TAF3: variants seen among roughly 807,000 people sequenced by gnomAD.
TAF3 encodes the protein TATA-box binding protein associated factor 3.
A neutral mutation model predicts 80.6 loss-of-function variants in TAF3; 7 were observed. That is an observed-to-expected ratio of 0.09 (90% CI 0.05 to 0.16). TAF3 has a LOEUF of 0.16. Ranked by LOEUF, TAF3 falls within the 10% of genes least tolerant of loss-of-function variation. TAF3 has a pLI of 1.00. For synonymous variants in TAF3, 444 were observed against 446.1 expected, an observed-to-expected ratio of 1.00 and a Z score of 0.06; for missense variants, 921 against 1,140.2, an observed-to-expected ratio of 0.81 and a Z score of 2.77.
At chr10:7,849,803 C>A (rs1837009591) in intron 2 of TAF3, among the ~76,000 whole-genome samples, 1 of 152,008 alleles carries the variant, frequency 6.6e-6, no homozygotes, top group Non-Finnish European at 1.5e-5. Flanking sequence ...CCTCAGCCTC[C>A]CAAGTAGCTG....
chr10:7,910,282 T>G (rs1837645226), intron 2 of TAF3, among the ~76,000 whole-genome samples: 1 of 152,230 alleles, frequency 6.6e-6, no homozygotes, highest in Non-Finnish European at 1.5e-5. Context: ...AATAAAGATG[T>G]ATAGTGTGAC....
intron 4 of TAF3, among the ~76,000 whole-genome samples, chr10:8,007,710 T>C (rs1031726962): frequency 3.3e-5 from 5 of 151,422 alleles, no homozygotes; most frequent in African/African-American, 4.9e-5. Flanking sequence ...TTTCTCTTGC[T>C]GATCTTCAGT....
chr10:7,874,603 A>AT (rs1230658513), intron 2 of TAF3, among the ~76,000 whole-genome samples: 2 of 151,592 alleles, frequency 1.3e-5, no homozygotes, highest in African/African-American at 2.4e-5. Flanking sequence ...CATTTTCATG[A>AT]TTTTTTTTCT....
At chr10:7,914,571 A>G (rs1234012651) in intron 2 of TAF3, among the ~76,000 whole-genome samples, 1 of 152,250 alleles carries the variant, frequency 6.6e-6, no homozygotes, top group Non-Finnish European at 1.5e-5. Context: ...ATGCATCTCA[A>G]AAGAGTGTAT....
At chr10:7,846,192 C>G (rs1169503892) in intron 2 of TAF3, among the ~76,000 whole-genome samples, 1 of 152,054 alleles carries the variant, frequency 6.6e-6, no homozygotes, top group African/African-American at 2.4e-5. Context: ...CTCCTGACCT[C>G]GTGATCTGCC....
chr10:7,848,142 C>G (rs1836990831), intron 2 of TAF3, among the ~76,000 whole-genome samples: 1 of 152,178 alleles, frequency 6.6e-6, no homozygotes, highest in Admixed American at 6.5e-5. Context: ...AATGGCTTAA[C>G]AATATAAAGG....
intron 3 of TAF3, among the ~76,000 whole-genome samples, chr10:7,968,915 C>T (rs1831597316): frequency 6.6e-6 from 1 of 152,168 alleles, no homozygotes; most frequent in African/African-American, 2.4e-5. Context: ...GTGAGTTGTG[C>T]AAGCTTTTAG....
intron 2 of TAF3, among the ~76,000 whole-genome samples, chr10:7,884,471 C>G (rs572845580): frequency 6.7e-6 from 1 of 149,594 alleles, no homozygotes; most frequent in Non-Finnish European, 1.5e-5. Context: ...ACTGCAACCT[C>G]TGCCTCCTGG....
Position 7,937,604 on chromosome 10 carries a change from G to A in TAF3, c.410-26316G>A, listed in dbSNP as rs557876315. Among the ~76,000 whole-genome samples, 549 of 152,182 alleles carry A rather than the reference G, an allele frequency of 3.6e-3. 3 individuals carry two copies. Among genetic ancestry groups the A allele is most frequent in the South Asian group, 0.013 (63 of 4,806 alleles). On this transcript the variant is annotated intron_variant, in intron 2 of 6. Coordinates refer to ENST00000344293, the MANE Select transcript of TAF3 (RefSeq NM_031923.4). ...TAGGTGACAGTCCTTTATCAGATAC[G>A]CCTTGTAAATATATTTTTCTCATAG...
At chr10:7,952,525 C>G (rs1838091710) in intron 2 of TAF3, among the ~76,000 whole-genome samples, 1 of 152,216 alleles carries the variant, frequency 6.6e-6, no homozygotes, top group Non-Finnish European at 1.5e-5. Flanking sequence ...ATATTGTTAT[C>G]TTAGTCTTGC....
At chr10:7,877,240 A>G (rs1210762529) in intron 2 of TAF3, among the ~76,000 whole-genome samples, 1 of 152,194 alleles carries the variant, frequency 6.6e-6, no homozygotes. Flanking sequence ...TGATTTCATA[A>G]TTTCTAAAAA....
chr10:7,885,994 C>T (rs76522141), intron 2 of TAF3, among the ~76,000 whole-genome samples: 29,856 of 151,956 alleles, frequency 0.2, 3,039 homozygotes, highest in East Asian at 0.29. Context: ...AGTGGCGCGA[C>T]GATGGCTCAC....
At chr10:7,932,185 C>T (rs754238098) in intron 2 of TAF3, among the ~76,000 whole-genome samples, 2 of 152,172 alleles carry the variant, frequency 1.3e-5, no homozygotes, top group Non-Finnish European at 1.5e-5. Flanking sequence ...CATGCTACCT[C>T]TATCAGTCAG....
chr10:7,869,247 G>A (rs1306982541), intron 2 of TAF3, among the ~76,000 whole-genome samples: 3 of 101,666 alleles, frequency 3.0e-5, no homozygotes, highest in Non-Finnish European at 4.6e-5. Flanking sequence ...GACTTCTACC[G>A]TGTGTGTGTG....
chr10:7,845,957 TTG>T lies in TAF3; in HGVS notation c.409+21399_409+21400del, dbSNP rs1331150990. 1.9e-4 allele frequency among the ~76,000 whole-genome samples: 26 copies of T among 133,424 alleles called. 1 individual carries two copies. Among genetic ancestry groups the T allele is most frequent in the African/African-American group, 4.9e-4 (18 of 36,502 alleles). 87.5% of individuals were successfully genotyped at this position (133,424 alleles called of 152,430 possible). On this transcript the variant is annotated intron_variant, in intron 2 of 6. Transcript: ENST00000344293. ...AAAGGATGAAGTGGTTTGTGTGTTT[TTG>T]TTTTTTTTTTTTTTTTTTGAGGCAA... is the stretch of plus-strand genomic sequence containing the variant.
At position 7,819,689 on chromosome 10, in the gene TAF3, A is replaced by ACATATCTTG. The variant is rs1466093259; in HGVS notation, c.166+814_166+815insCATATCTTG. 5.3e-3 allele frequency among the ~76,000 whole-genome samples: 813 copies of ACATATCTTG among 152,314 alleles called. 13 individuals are homozygous for ACATATCTTG. The highest frequency in any genetic ancestry group is 0.019 in the African/African-American group (786 of 41,556). On this transcript the variant is annotated intron_variant, in intron 1 of 6. Coordinates refer to ENST00000344293, the MANE Select transcript of TAF3 (RefSeq NM_031923.4). ...CCACATTATCTTGTTGATGTGAAGC[A>ACATATCTTG]TTGTATGTGTGTTTGTTGAGGAGAG... is the stretch of plus-strand genomic sequence containing the variant.
intron 2 of TAF3, among the ~76,000 whole-genome samples, chr10:7,831,662 C>G (rs897709996): frequency 2.0e-5 from 3 of 151,976 alleles, no homozygotes; most frequent in African/African-American, 7.2e-5. Context: ...GTTTTTTACC[C>G]ATATTGTAGC....
intron 1 of TAF3, among the ~76,000 whole-genome samples, chr10:7,822,994 T>G (rs1836704502): frequency 6.6e-6 from 1 of 152,146 alleles, no homozygotes. Flanking sequence ...GCACTGGTAG[T>G]CCCAGCTACT....
chr10:7,902,950 C>T (rs1248420224), intron 2 of TAF3, among the ~76,000 whole-genome samples: 1 of 151,854 alleles, frequency 6.6e-6, no homozygotes, highest in Non-Finnish European at 1.5e-5. Context: ...TAAAGTCATG[C>T]TTGTGCTCAC....
Sources: gnomAD v4.1 joint callset for allele counts (sites outside exome capture counted in the v4.1 genomes callset) on GRCh38, gnomAD v4.1.1 for gene constraint, MANE v1.5 for transcripts, NCBI Gene and HGNC (gene_info 2026-07-23, HGNC 2026-07-21) for gene names.